The following SETD6 variants were observed in gnomAD, a reference collection of about 807,000 sequenced individuals.
SETD6 encodes the protein SET domain containing 6, protein lysine methyltransferase.
SETD6 carries 67 observed loss-of-function variants against 52.7 expected under a neutral mutation model. The observed-to-expected ratio is 1.27, with a 90% CI of 1.04 to 1.56. The LOEUF (loss-of-function observed/expected upper bound fraction) is 1.56, where lower values mean the gene tolerates loss of function less well. Among genes scored for constraint, SETD6 ranks in the 40% most tolerant of loss-of-function variants. SETD6 has a pLI of 0.00. For synonymous variants in SETD6, 307 were observed against 250.2 expected (o/e 1.23, Z -2.14); for missense variants, 712 against 607.5 (o/e 1.17, Z -1.81).
rs755845672 is a variant in SETD6, at chr16:58,523,372, T to C, written c.*4343T>C. The stretch of plus-strand genomic sequence containing the variant: ...TAAAAAATAAGCTGCTCGCTTACCT[T>C]GTGATCTGTTCTTGGATGGCTTCCG... On this transcript the variant is annotated 3_prime_UTR_variant, in exon 8 of 8. Transcript: ENST00000219315. The C allele has an allele frequency of 1.9e-6, 3 of 1,590,386 alleles. No individual in the cohort carries two copies. The highest frequency in any genetic ancestry group is 1.7e-5 in the Admixed American group (1 of 58,046).
At chr16:58,518,668 A>G in intron 7 of SETD6, 56 bp from the exon 8 acceptor site, 1 of 1,595,274 alleles carries the variant, frequency 6.3e-7, no homozygotes, top group Non-Finnish European at 8.5e-7. Flanking sequence ...CTCCTGAGTC[A>G]TTTCAGAAGT....
At position 58,518,149 on chromosome 16, in the gene SETD6, C is replaced by G. The variant is rs575596768; in HGVS notation, c.891C>G (p.Tyr297Ter). 6.2e-6 allele frequency: 10 copies of G among 1,614,218 alleles called. No homozygotes were observed. The highest frequency in any genetic ancestry group is 7.6e-6 in the Non-Finnish European group (9 of 1,180,052). Residue 297 changes from tyrosine to a stop codon, truncating the protein, a stop_gained, in exon 6 of 8, where the codon TAC (tyrosine) becomes TAG (stop). Transcript: ENST00000219315. LOFTEE classifies it high-confidence loss of function. ...CTAACTGGCAACTGATTCATATGTA[C>G]GGTTTTGTTGAACCATATCCTGACA... ...QMANWQLIHM[Y>*]GFVEPYPDNT...
At position 58,516,282 on chromosome 16, in the gene SETD6, C is replaced by A. The variant is rs753781414; in HGVS notation, c.415C>A (p.Arg139Ser). 2.5e-6 allele frequency: 4 copies of A among 1,603,544 alleles called. No individual in the cohort carries two copies. ...LLHELQAPAS[R>S]WRPYFALWPE... Reference sequence around the variant, plus strand: ...CCACGAGCTGCAGGCCCCGGCCTCACGCTGGAGGCCCTACTTTGCGCTCTG... The same window carrying A: ...CCACGAGCTGCAGGCCCCGGCCTCAAGCTGGAGGCCCTACTTTGCGCTCTG... The change falls in exon 3 of 8, where the codon CGC becomes AGC. Residue 139 changes from arginine (R) to serine (S), a missense_variant. Coordinates refer to ENST00000219315, the MANE Select transcript of SETD6 (RefSeq NM_001160305.4).
Position 58,518,997 on chromosome 16 carries a change from A to ATCTT in SETD6, c.1391_1394dup (p.Leu465PhefsTer27). On this transcript the variant is annotated frameshift_variant, in exon 8 of 8. Transcript: ENST00000219315. LOFTEE classifies it high-confidence loss of function. ...ACAGGTTCGCTATGGTCAGAAGATGATCTTACATCAGTTGTTGGAGCTGAC... is the reference window on the plus strand; with the variant it reads ...ACAGGTTCGCTATGGTCAGAAGATGATCTTTCTTACATCAGTTGTTGGAGCTGAC... The ATCTT allele has an allele frequency of 1.9e-6, 3 of 1,613,254 alleles. No individual in the cohort carries two copies. Among genetic ancestry groups the ATCTT allele is most frequent in the Non-Finnish European group, 2.5e-6 (3 of 1,179,452 alleles).
At position 58,518,494 on chromosome 16, in the gene SETD6, T is replaced by C. The variant is rs1176756802; in HGVS notation, c.1067T>C (p.Ile356Thr). ...GTAGGGGAAGAGGGAGCCTTTGTGA[T>C]AGGGAGGGAGGAGGTGCTGACTGAA... ...EMVGEEGAFV[I>T]GREEVLTEEE... The change falls in exon 7 of 8, where the codon ATA becomes ACA. Residue 356 changes from isoleucine to threonine, a missense_variant. By Grantham distance (89) the Ile-to-Thr change is moderately conservative. Transcript: ENST00000219315. 5.0e-6 allele frequency: 8 copies of C among 1,591,046 alleles called. No homozygotes were observed. The highest frequency in any genetic ancestry group is 6.8e-6 in the Non-Finnish European group (8 of 1,174,858).
chr16:58,515,967 G>A lies in SETD6; in HGVS notation c.204G>A (p.Arg68=), dbSNP rs1455096146. 6.5e-7 allele frequency: 1 copy of A among 1,532,002 alleles called. No homozygotes were observed. The highest frequency in any genetic ancestry group is 2.0e-5 in the Admixed American group (1 of 50,418). The allele number at this position is 1,532,002 out of a possible 1,614,324, so 94.9% of individuals were successfully genotyped here. Residue 68 remains arginine (R), a synonymous_variant, in exon 2 of 8, where the codon CGG becomes CGA. Coordinates refer to ENST00000219315, the MANE Select transcript of SETD6 (RefSeq NM_001160305.4). ...CTCCTGCTCAGGTGGCGGTCAGCCG[G>A]CAGGGCACGGTGGCCGGCTACGGCA... The part of the protein sequence containing the change: ...TSPPAQVAVS[R]QGTVAGYGMV...
At chr16:58,518,627 G>C in intron 7 of SETD6, 84 bp downstream of exon 7, 2 of 1,576,378 alleles carry the variant, frequency 1.3e-6, no homozygotes, top group Non-Finnish European at 1.7e-6. Flanking sequence ...GGAAATGTGG[G>C]ATTTTTAATA....
chr16:58,515,480 G>C (rs1236315897), upstream of SETD6: 3 of 1,542,226 alleles, frequency 1.9e-6, no homozygotes, highest in South Asian at 1.2e-5. Context: ...GGCGGGGCCA[G>C]AGACGCCGGA....
intron 1 of SETD6, 75 bp downstream of exon 1, chr16:58,515,639 C>T (rs2039095488): frequency 7.0e-7 from 1 of 1,422,996 alleles, no homozygotes; most frequent in Non-Finnish European, 9.2e-7. Flanking sequence ...CGTCCGCCTG[C>T]GCCCCCTCCG....
Position 58,518,226 on chromosome 16 carries a change from T to C in SETD6, c.968T>C (p.Leu323Ser). The change falls in exon 6 of 8, where the codon TTA becomes TCA. Residue 323 changes from leucine to serine, a missense_variant. Transcript: ENST00000219315. ...IQMVTVREAALQGTKTEAERH... is the reference protein window; with the variant it reads ...IQMVTVREAASQGTKTEAERH... ...ATGGTGACAGTTCGTGAGGCAGCAT[T>C]ACAGGGTGAGTGTATCATTAACTCA... 6.2e-7 allele frequency: 1 copy of C among 1,614,224 alleles called. No individual in the cohort carries two copies. Among genetic ancestry groups the C allele is most frequent in the Non-Finnish European group, 8.5e-7 (1 of 1,180,042 alleles).
In SETD6 at chr16:58,516,231, T is replaced by C; in HGVS notation, c.364T>C (p.Trp122Arg). The change falls in exon 3 of 8, where the codon TGG becomes CGG. Residue 122 changes from tryptophan (W) to arginine (R), a missense_variant. Transcript: ENST00000219315. ...AGTTGCGCTGCAGAGCCAGTCGGGC[T>C]GGGTGCCACTGCTGCTGGCGCTGCT... The part of the protein sequence containing the change: ...ERVALQSQSG[W>R]VPLLLALLHE... 6.3e-7 allele frequency: 1 copy of C among 1,596,862 alleles called. No homozygotes were observed. Among genetic ancestry groups the C allele is most frequent in the Non-Finnish European group, 8.5e-7 (1 of 1,179,226 alleles).
rs200835277 is a variant in SETD6, at chr16:58,516,292, C to G, written c.425C>G (p.Pro142Arg). 1.9e-4 allele frequency: 305 copies of G among 1,605,092 alleles called. No homozygotes were observed. The highest frequency in any genetic ancestry group is 1.4e-3 in the Middle Eastern group (8 of 5,884). ...CAGGCCCCGGCCTCACGCTGGAGGC[C>G]CTACTTTGCGCTCTGGCCCGAGCTG... ...ELQAPASRWRPYFALWPELGR... is the reference protein window; with the variant it reads ...ELQAPASRWRRYFALWPELGR... Residue 142 changes from proline (P) to arginine (R), a missense_variant, in exon 3 of 8, where the codon CCC becomes CGC. Coordinates refer to ENST00000219315, the MANE Select transcript of SETD6 (RefSeq NM_001160305.4).
Position 58,523,767 on chromosome 16 carries a change from G to A in SETD6, c.*4738G>A, listed in dbSNP as rs1279655195. Reference sequence around the variant, plus strand: ...TGTAAGAAACATGAACTATTTTCTGGTGACACTCATCACTAAGTCTTTCTA... The same window carrying A: ...TGTAAGAAACATGAACTATTTTCTGATGACACTCATCACTAAGTCTTTCTA... On this transcript the variant is annotated 3_prime_UTR_variant, in exon 8 of 8. Transcript: ENST00000219315. The A allele has an allele frequency of 3.4e-6, 1 of 294,082 alleles. No individual in the cohort carries two copies. The highest frequency in any genetic ancestry group is 2.1e-5 in the African/African-American group (1 of 46,836). The allele number at this position is 294,082 out of a possible 1,614,324, so 18.2% of individuals were successfully genotyped here.
chr16:58,516,987 G>A (rs1171193041), intron 5 of SETD6, 59 bp downstream of exon 5: 2 of 1,613,260 alleles, frequency 1.2e-6, no homozygotes, highest in Non-Finnish European at 1.7e-6. Flanking sequence ...TGTGTCTTAG[G>A]CTCCATTCTC....
In SETD6 at chr16:58,515,975, C is replaced by T. The variant is rs1397190319; in HGVS notation, c.212C>T (p.Thr71Met). The stretch of plus-strand genomic sequence containing the variant: ...CAGGTGGCGGTCAGCCGGCAGGGCA[C>T]GGTGGCCGGCTACGGCATGGTGGCC... ...PAQVAVSRQGTVAGYGMVARE... is the reference protein window; with the variant it reads ...PAQVAVSRQGMVAGYGMVARE... Residue 71 changes from threonine (T) to methionine (M), a missense_variant, in exon 2 of 8, where the codon ACG becomes ATG. Physicochemically the swap from Thr to Met is moderately conservative, Grantham distance 81. Transcript: ENST00000219315. 3.3e-6 allele frequency: 5 copies of T among 1,535,556 alleles called. No individual in the cohort carries two copies. The highest frequency in any genetic ancestry group is 1.4e-5 in the African/African-American group (1 of 70,598).
In SETD6 at chr16:58,521,630, A is replaced by C. The variant is rs939621889; in HGVS notation, c.*2601A>C. ...TAAAGCCCAGAGTACATGGCACACAAAGTTAGTACAAAAAGTAGTAATTTC... is the reference window on the plus strand; with the variant it reads ...TAAAGCCCAGAGTACATGGCACACACAGTTAGTACAAAAAGTAGTAATTTC... On this transcript the variant is annotated 3_prime_UTR_variant, in exon 8 of 8. Transcript: ENST00000219315. Among the ~76,000 whole-genome samples the C allele has an allele frequency of 4.6e-5, 7 of 152,166 alleles. No homozygotes were observed. Among genetic ancestry groups the C allele is most frequent in the South Asian group, 2.1e-4 (1 of 4,834 alleles).
intron 7 of SETD6, 71 bp downstream of exon 7, chr16:58,518,614 A>T: frequency 6.3e-7 from 1 of 1,577,266 alleles, no homozygotes; most frequent in Non-Finnish European, 8.6e-7. Context: ...AGAAGATGAG[A>T]GAGGAAATGT....
intron 7 of SETD6, 21 bp downstream of exon 7, chr16:58,518,564 A>G: frequency 1.3e-6 from 2 of 1,593,972 alleles, no homozygotes; most frequent in Non-Finnish European, 1.7e-6. Context: ...GAAAATGGCC[A>G]TTTAATGCTG....
Position 58,516,110 on chromosome 16 carries a change from G to T in SETD6, c.334+13G>T, listed in dbSNP as rs576062819. ...CTGCTGGAGCGAGGTGGGCACGGCG[G>T]CGGGCTAGGGCCCTGGGGCGGGGCG... On this transcript the variant is annotated intron_variant, in intron 2 of 7. Transcript: ENST00000219315. The T allele has an allele frequency of 9.4e-6, 12 of 1,280,584 alleles. No individual in the cohort carries two copies. The South Asian group carries it at 2.5e-4, about 26-fold the overall frequency. 79.3% of individuals were successfully genotyped at this position (1,280,584 alleles called of 1,614,324 possible). A position where few individuals can be genotyped will look rare whatever the true frequency, so the allele number is the denominator to read the frequency against.
Sources: gnomAD v4.1 joint callset for allele counts (sites outside exome capture counted in the v4.1 genomes callset) on GRCh38, gnomAD v4.1.1 for gene constraint, MANE v1.5 for transcripts, NCBI Gene and HGNC (gene_info 2026-07-23, HGNC 2026-07-21) for gene names.